The following USP32 variants were observed in gnomAD, a reference collection of about 807,000 sequenced individuals.
The protein encoded by USP32 is ubiquitin specific peptidase 32, also known as ubiquitin carboxyl-terminal hydrolase 32.
USP32 carries 59 observed loss-of-function variants against 204.8 expected under a neutral mutation model. The observed-to-expected ratio is 0.29, with a 90% confidence interval of 0.23 to 0.36. The LOEUF is 0.36. USP32 is among the 10% of genes least tolerant of loss of function. The pLI is 1.00. For missense variants in USP32, 1,160 were observed against 1,946.4 expected (o/e 0.60, Z 7.60); for synonymous variants, 517 against 678.4 (o/e 0.76, Z 3.70).
intron 2 of USP32, among the ~76,000 whole-genome samples, chr17:60,327,460 A>G (rs2088270571): frequency 6.6e-6 from 1 of 152,122 alleles, no homozygotes; most frequent in Non-Finnish European, 1.5e-5. Context: ...CCACTCCACA[A>G]AGGCAGCGGG....
intron 5 of USP32, among the ~76,000 whole-genome samples, chr17:60,282,930 G>A (rs1323326474): frequency 1.3e-5 from 2 of 152,182 alleles, no homozygotes; most frequent in African/African-American, 4.8e-5. Context: ...TAGGACCTGA[G>A]CCATATTCCC....
chr17:60,360,618 T>A (rs1167011192), intron 1 of USP32, among the ~76,000 whole-genome samples: 1 of 151,862 alleles, frequency 6.6e-6, no homozygotes, highest in East Asian at 2.0e-4. Flanking sequence ...GAGGTTGCAG[T>A]GAGCTGAGAT....
chr17:60,204,136 C>T (rs2084761166), intron 26 of USP32, among the ~76,000 whole-genome samples: 1 of 152,030 alleles, frequency 6.6e-6, no homozygotes, highest in South Asian at 2.1e-4. Context: ...AGGAATTACG[C>T]ACAACTTGAT....
intron 2 of USP32, among the ~76,000 whole-genome samples, chr17:60,324,283 AATAT>A (rs138904415): frequency 1.4e-5 from 2 of 146,520 alleles, no homozygotes; most frequent in African/African-American, 5.0e-5. Context: ...CCGTGTTTCA[AATAT>A]ATATATATAT....
intron 2 of USP32, among the ~76,000 whole-genome samples, chr17:60,327,763 C>T (rs1169155351): frequency 6.6e-6 from 1 of 152,228 alleles, no homozygotes; most frequent in Non-Finnish European, 1.5e-5. Flanking sequence ...GGAATGTCTG[C>T]TCCTGCTGCC....
At position 60,406,201 on chromosome 17, in the gene USP32, AT is replaced by A. The variant is rs888722216; in HGVS notation, c.106+16044del. Reference sequence around the variant, plus strand: ...AAAGCTTATTATTCTGAAAAAAAAAATTTTTTTTTGGAGACAGTCTTGTTCT... The same window carrying A: ...AAAGCTTATTATTCTGAAAAAAAAAATTTTTTTTGGAGACAGTCTTGTTCT... On this transcript the variant is annotated intron_variant, in intron 1 of 3. Transcript: ENST00000588898. Among the ~76,000 whole-genome samples, 14 of 150,422 alleles carry A rather than the reference AT, an allele frequency of 9.3e-5. No individual in the cohort carries two copies. In the East Asian group the frequency reaches 1.6e-3, roughly 17 times the overall value.
exon 1 of USP32, chr17:60,422,407 T>TA: frequency 1.4e-6 from 2 of 1,437,546 alleles, no homozygotes; most frequent in Non-Finnish European, 9.3e-7. Flanking sequence ...CAGCCACCCC[T>TA]AAGAATGAGG....
intron 5 of USP32, among the ~76,000 whole-genome samples, chr17:60,287,145 G>A (rs1567828702): frequency 6.6e-6 from 1 of 152,078 alleles, no homozygotes; most frequent in African/African-American, 2.4e-5. Context: ...GCAATACTTC[G>A]TCTCAAATTA....
Position 60,219,662 on chromosome 17 carries a change from C to T in USP32, c.1867+8G>A. 6.4e-7 allele frequency: 1 copy of T among 1,554,358 alleles called. No individual in the cohort carries two copies. Among genetic ancestry groups the T allele is most frequent in the Non-Finnish European group, 8.7e-7 (1 of 1,144,814 alleles). On this transcript the variant is annotated splice_region_variant and intron_variant, in intron 16 of 33. Transcript: ENST00000300896. ...AATGCTGAGGAAACATTCTCAGGCTCATCATACCCATATTCACCCAGATGT... is the reference window on the plus strand; with the variant it reads ...AATGCTGAGGAAACATTCTCAGGCTTATCATACCCATATTCACCCAGATGT...
In USP32 at chr17:60,293,983, T is replaced by C. The variant is rs1476616026; in HGVS notation, c.411+700A>G. 3.2e-4 allele frequency among the ~76,000 whole-genome samples: 49 copies of C among 152,258 alleles called. 2 individuals carry two copies. Among genetic ancestry groups the C allele is most frequent in the Admixed American group, 3.1e-3 (48 of 15,288 alleles). ...AAAATAATTCTCTCTGTTAAAGATA[T>C]ACTTTTTCTATTGCTGAATTTTCTA... On this transcript the variant is annotated intron_variant, in intron 4 of 33. Transcript: ENST00000300896.
At chr17:60,217,769 G>A (rs557534718) in intron 16 of USP32, among the ~76,000 whole-genome samples, 55 of 151,776 alleles carry the variant, frequency 3.6e-4, no homozygotes, top group African/African-American at 1.3e-3. Flanking sequence ...ACAAGCTCTT[G>A]CTCTGTTACC....
intron 16 of USP32, among the ~76,000 whole-genome samples, chr17:60,216,042 A>G (rs2085092841): frequency 6.6e-6 from 1 of 152,208 alleles, no homozygotes. Context: ...TGAAGCCAAG[A>G]AGTTTCCCAT....
intron 2 of USP32, among the ~76,000 whole-genome samples, chr17:60,318,581 T>A (rs2088038917): frequency 6.6e-6 from 1 of 152,196 alleles, no homozygotes; most frequent in Admixed American, 6.5e-5. Flanking sequence ...TTCAGGATTA[T>A]GAAACTGTGA....
At chr17:60,287,636 A>T (rs2087150205) in intron 5 of USP32, among the ~76,000 whole-genome samples, 1 of 152,170 alleles carries the variant, frequency 6.6e-6, no homozygotes, top group African/African-American at 2.4e-5. Context: ...CCCTATAAAC[A>T]TCTTGATTTC....
At chr17:60,272,181 G>T (rs2086739410) in intron 5 of USP32, among the ~76,000 whole-genome samples, 2 of 152,138 alleles carry the variant, frequency 1.3e-5, no homozygotes. Flanking sequence ...CTCCTGGCTA[G>T]ACTGTAAACA....
chr17:60,379,766 G>T (rs893971472), intron 1 of USP32, among the ~76,000 whole-genome samples: 2 of 152,164 alleles, frequency 1.3e-5, no homozygotes, highest in African/African-American at 2.4e-5. Context: ...GAGAGCAAAA[G>T]GTTATGGCTT....
intron 5 of USP32, among the ~76,000 whole-genome samples, chr17:60,277,994 C>T (rs1444753167): frequency 2.0e-5 from 3 of 146,614 alleles, no homozygotes; most frequent in Non-Finnish European, 3.0e-5. Context: ...GTGGCCTCAA[C>T]CTCCTGGGCT....
chr17:60,237,620 A>C (rs1482718596), intron 11 of USP32, among the ~76,000 whole-genome samples: 3 of 152,136 alleles, frequency 2.0e-5, no homozygotes, highest in African/African-American at 7.2e-5. Context: ...AACAACCACC[A>C]GTCTGCTGTC....
intron 9 of USP32, among the ~76,000 whole-genome samples, chr17:60,259,456 C>A (rs1475016175): frequency 1.3e-5 from 2 of 151,514 alleles, no homozygotes; most frequent in Non-Finnish European, 2.9e-5. Flanking sequence ...GTGAGCGCGC[C>A]CTTCAGTGGG....
Sources: allele counts gnomAD v4.1 joint callset (sites outside exome capture counted in the v4.1 genomes callset), GRCh38; gene constraint gnomAD v4.1.1; transcripts MANE v1.5; gene names NCBI Gene and HGNC (gene_info 2026-07-23, HGNC 2026-07-21).